SLC38A2: variants seen among roughly 807,000 people sequenced by gnomAD.
SLC38A2 encodes solute carrier family 38 member 2.
A neutral mutation model predicts 61.5 loss-of-function variants in SLC38A2; 11 were observed. The observed-to-expected ratio is 0.18, with a 90% CI of 0.11 to 0.30. SLC38A2 has a LOEUF of 0.30. SLC38A2 is among the 10% of genes least tolerant of loss of function. SLC38A2 has a pLI of 1.00. For missense variants in SLC38A2, 522 were observed against 600.4 expected (o/e 0.87, Z 1.36); for synonymous variants, 217 against 212.5 (o/e 1.02, Z -0.18).
rs747187262 is a variant in SLC38A2 at position 46,364,726 on chromosome 12, C to A, written c.647-24G>T. 4 of 1,588,328 alleles carry A rather than the reference C, an allele frequency of 2.5e-6. No homozygotes were observed. In the Admixed American group the frequency reaches 5.4e-5, roughly 21 times the overall value. On this transcript the variant is annotated intron_variant, in intron 8 of 15. Transcript: ENST00000256689. ...TCCTATAAGGAGGGGTGGCAGGAAT[C>A]AGTATTAGTTTAATGAAACAGATTT...
chr12:46,362,217 A>C, intron 15 of SLC38A2, 67 bp downstream of exon 15: 1 of 1,283,752 alleles, frequency 7.8e-7, no homozygotes, highest in Non-Finnish European at 1.1e-6. Flanking sequence ...TATGAGAATA[A>C]AATTAAAATC....
chr12:46,364,730 A>G (rs1943121935), intron 8 of SLC38A2, 28 bp from the exon 9 acceptor site: 6 of 1,576,298 alleles, frequency 3.8e-6, no homozygotes, highest in South Asian at 3.5e-5. Context: ...AGGAATCAGT[A>G]TTAGTTTAAT....
chr12:46,359,768 GACT>G lies in SLC38A2; in HGVS notation c.*1340_*1342del, dbSNP rs1943061442. Reference sequence around the variant, plus strand: ...GGTTGACATGCAGTTGGACCAAAATGACTACTAACACTCAGTTTGCACTGTTTT... The same window carrying G: ...GGTTGACATGCAGTTGGACCAAAATGACTAACACTCAGTTTGCACTGTTTT... On this transcript the variant is annotated 3_prime_UTR_variant, in exon 16 of 16. Transcript: ENST00000256689. 1 of 152,636 alleles carries G rather than the reference GACT, an allele frequency of 6.6e-6. No homozygotes were observed. 9.5% of individuals were successfully genotyped at this position (152,636 alleles called of 1,614,324 possible). A position where few individuals can be genotyped will look rare whatever the true frequency, so the allele number is the denominator to read the frequency against.
intron 1 of SLC38A2, among the ~76,000 whole-genome samples, chr12:46,371,858 C>CT (rs1380094005): frequency 6.6e-6 from 1 of 152,220 alleles, no homozygotes; most frequent in Non-Finnish European, 1.5e-5. Flanking sequence ...AGAAATGCCT[C>CT]TGCCGCAGAC....
chr12:46,372,386 C>T (rs1482561259), intron 1 of SLC38A2, 123 bp downstream of exon 1: 4 of 280,814 alleles, frequency 1.4e-5, no homozygotes, highest in East Asian at 5.5e-5. Flanking sequence ...CAACCGACAA[C>T]GCCCGCCTCG....
Position 46,366,916 on chromosome 12 carries a change from A to C in SLC38A2, c.511T>G (p.Tyr171Asp), listed in dbSNP as rs1565828881. 6.2e-7 allele frequency: 1 copy of C among 1,613,950 alleles called. No individual in the cohort carries two copies. Among genetic ancestry groups the C allele is most frequent in the Non-Finnish European group, 8.5e-7 (1 of 1,179,958 alleles). ...AMSSYLFIVK[Y>D]ELPLVIQALT... ...GCCTGGATCACCAAAGGCAACTCAT[A>C]TTTCACTATGAAGAGGTAGCTTGAC... Residue 171 changes from tyrosine (Y) to aspartate (D), a missense_variant, in exon 7 of 16, where the codon TAT becomes GAT. By Grantham distance (160) the Tyr-to-Asp change is radical. Transcript: ENST00000256689.
At chr12:46,368,837 T>A (rs987344767) in intron 4 of SLC38A2, among the ~76,000 whole-genome samples, 1 of 152,188 alleles carries the variant, frequency 6.6e-6, no homozygotes, top group Non-Finnish European at 1.5e-5. Flanking sequence ...TGACAAGGGA[T>A]GAATAGACTT....
chr12:46,362,632 T>C lies in SLC38A2; in HGVS notation c.1186A>G (p.Ser396Gly). ...GCACACAACAAGTGAGTTACAGAAC[T>C]CCGGATCTGCAAAAAAAATAAATAA... The part of the protein sequence containing the change: ...TVPVVIFPIR[S>G]SVTHLLCASK... Residue 396 changes from serine to glycine, a missense_variant, in exon 14 of 16, where the codon AGT becomes GGT. Ser to Gly is a moderately conservative substitution (Grantham distance 56, BLOSUM62 0). Transcript: ENST00000256689. 6.4e-7 allele frequency: 1 copy of C among 1,561,272 alleles called. No individual in the cohort carries two copies.
Position 46,364,710 on chromosome 12 carries a change from G to A in SLC38A2, c.647-8C>T, listed in dbSNP as rs529099793. ...TGGTATATCCCAAATATCCTATAAGGAGGGGTGGCAGGAATCAGTATTAGT... is the reference window on the plus strand; with the variant it reads ...TGGTATATCCCAAATATCCTATAAGAAGGGGTGGCAGGAATCAGTATTAGT... On this transcript the variant is annotated splice_region_variant and splice_polypyrimidine_tract_variant and intron_variant, in intron 8 of 15. Coordinates refer to ENST00000256689, the MANE Select transcript of SLC38A2 (RefSeq NM_018976.5). 16 of 1,602,758 alleles carry A rather than the reference G, an allele frequency of 1.0e-5. No homozygotes were observed. In the Admixed American group the frequency reaches 2.1e-4, roughly 21 times the overall value.
Position 46,370,864 on chromosome 12 carries a change from A to T in SLC38A2, c.117-7T>A. ...ATCTACATCTGCATAATGGCTGCAA[A>T]AAATATAGACATATATAATTGTAAA... On this transcript the variant is annotated splice_polypyrimidine_tract_variant and splice_region_variant and intron_variant, in intron 2 of 15. Coordinates refer to ENST00000256689, the MANE Select transcript of SLC38A2 (RefSeq NM_018976.5). The T allele has an allele frequency of 6.3e-7, 1 of 1,597,346 alleles. No homozygotes were observed. Among genetic ancestry groups the T allele is most frequent in the Non-Finnish European group, 8.5e-7 (1 of 1,170,638 alleles).
At chr12:46,370,413 A>G in intron 4 of SLC38A2, 99 bp downstream of exon 4, 1 of 847,446 alleles carries the variant, frequency 1.2e-6, no homozygotes, top group Non-Finnish European at 2.0e-6. Context: ...GTAACTTTTG[A>G]GTCAGCTACT....
At chr12:46,372,393 C>A (rs1228946905) in intron 1 of SLC38A2, 116 bp downstream of exon 1, 1 of 297,696 alleles carries the variant, frequency 3.4e-6, no homozygotes, top group African/African-American at 2.2e-5. Context: ...CAACGCCCGC[C>A]TCGAAAGGAA....
At chr12:46,364,843 T>C in intron 8 of SLC38A2, 141 bp from the exon 9 acceptor site, 1 of 730,286 alleles carries the variant, frequency 1.4e-6, no homozygotes, top group Non-Finnish European at 2.2e-6. Flanking sequence ...TTTCTAATTC[T>C]TATGATACTA....
chr12:46,361,217 G>A lies in SLC38A2; in HGVS notation c.1423-8C>T, dbSNP rs747835033. The A allele has an allele frequency of 4.4e-6, 7 of 1,609,034 alleles. No homozygotes were observed. The highest frequency in any genetic ancestry group is 2.5e-6 in the Non-Finnish European group (3 of 1,176,964). ...TAACAGGAAGAACAAAGCCTGCAAA[G>A]AGCATAGAGAAAATTGATCAGCAAG... On this transcript the variant is annotated splice_polypyrimidine_tract_variant and splice_region_variant and intron_variant, in intron 15 of 15. Coordinates refer to ENST00000256689, the MANE Select transcript of SLC38A2 (RefSeq NM_018976.5).
chr12:46,365,844 T>C (rs1404174345), intron 7 of SLC38A2, among the ~76,000 whole-genome samples: 1 of 152,256 alleles, frequency 6.6e-6, no homozygotes, highest in East Asian at 1.9e-4. Context: ...ACATTATGTA[T>C]ATCCTCTAAG....
chr12:46,360,953 A>G lies in SLC38A2; in HGVS notation c.*158T>C, dbSNP rs985974016. The stretch of plus-strand genomic sequence containing the variant: ...ATAAGTTTCTTAAAAAAACAAAACA[A>G]AACAAAAAAGTTCACTTATTCTGCA... On this transcript the variant is annotated 3_prime_UTR_variant, in exon 16 of 16. Transcript: ENST00000256689. 3 of 586,064 alleles carry G rather than the reference A, an allele frequency of 5.1e-6. No individual in the cohort carries two copies. Among genetic ancestry groups the G allele is most frequent in the Non-Finnish European group, 8.9e-6 (3 of 338,130 alleles). 36.3% of individuals were successfully genotyped at this position (586,064 alleles called of 1,614,324 possible).
rs753664955 is a variant in SLC38A2, at chr12:46,358,464, G to A, written c.*2647C>T. On this transcript the variant is annotated 3_prime_UTR_variant, in exon 16 of 16. Coordinates refer to ENST00000256689, the MANE Select transcript of SLC38A2 (RefSeq NM_018976.5). ...TATTTAAATTTTAAATAAGAGATCT[G>A]AATTTGTACCAAGATTTCATGAAAA... 6.6e-6 allele frequency: 1 copy of A among 152,436 alleles called. No individual in the cohort carries two copies. The highest frequency in any genetic ancestry group is 2.4e-5 in the African/African-American group (1 of 41,374). The allele number at this position is 152,436 out of a possible 1,614,324, so 9.4% of individuals were successfully genotyped here. A position where few individuals can be genotyped will look rare whatever the true frequency, so the allele number is the denominator to read the frequency against.
intron 4 of SLC38A2, among the ~76,000 whole-genome samples, chr12:46,368,012 C>T (rs543280563): frequency 1.3e-5 from 2 of 152,148 alleles, no homozygotes; most frequent in African/African-American, 2.4e-5. Context: ...GTGGTGTACA[C>T]CTATAGTCTC....
chr12:46,362,427 GTCAT>G, intron 14 of SLC38A2, 46 bp from the exon 15 acceptor site: 2 of 1,596,662 alleles, frequency 1.3e-6, no homozygotes, highest in Middle Eastern at 1.7e-4. Flanking sequence ...TGAACCACTC[GTCAT>G]TCATTCTTTA....
Sources: allele counts gnomAD v4.1 joint callset (sites outside exome capture counted in the v4.1 genomes callset), GRCh38; gene constraint gnomAD v4.1.1; transcripts MANE v1.5; gene names NCBI Gene and HGNC (gene_info 2026-07-23, HGNC 2026-07-21).